Variants in MEFV observed in about 807,000 individuals in gnomAD.
The protein encoded by MEFV is pyrin.
MEFV carries 60 observed loss-of-function variants against 62.5 expected under a neutral mutation model. The ratio of observed to expected loss-of-function variants is 0.96; its 90% confidence interval spans 0.78 to 1.19. MEFV has a LOEUF of 1.19. Among genes scored for constraint, MEFV ranks in the 50% most tolerant of loss-of-function variants. The pLI is 0.00. For synonymous variants in MEFV, 500 were observed against 415.2 expected (o/e 1.20, Z -2.48); for missense variants, 1,169 against 1,004.5 (o/e 1.16, Z -2.21).
At position 3,254,557 on chromosome 16, in the gene MEFV, C is replaced by A. The variant is rs876660993; in HGVS notation, c.511G>T (p.Ala171Ser). The A allele has an allele frequency of 6.4e-7, 1 of 1,562,032 alleles. No individual in the cohort carries two copies. The highest frequency in any genetic ancestry group is 8.6e-7 in the Non-Finnish European group (1 of 1,157,584). ...CTCCGGGTCCGAGGCTTGCCCTGCG[C>A]GTCCAGGCCCTCCGAGGCCTTCTCT... ...RREKASEGLD[A>S]QGKPRTRSPA... is the part of the protein sequence containing the mutation. The change falls in exon 2 of 10, where the codon GCG becomes TCG. Residue 171 changes from alanine (A) to serine (S), a missense_variant. By Grantham distance (99) the Ala-to-Ser change is moderately conservative. Transcript: ENST00000219596.
rs900575988 is a variant in MEFV at position 3,243,047 on chromosome 16, A to G, written c.*94T>C. 15 of 1,415,384 alleles carry G rather than the reference A, an allele frequency of 1.1e-5. No individual in the cohort carries two copies. The Admixed American group carries it at 1.4e-4, about 13-fold the overall frequency. The allele number at this position is 1,415,384 out of a possible 1,614,324, so 87.7% of individuals were successfully genotyped here. On this transcript the variant is annotated 3_prime_UTR_variant, in exon 10 of 10. Transcript: ENST00000219596. Reference sequence around the variant, plus strand: ...CTATTTTGTTATTTTTGCATTTCCCATAGCAGCTAGCACCTAGTCGGCATT... The same window carrying G: ...CTATTTTGTTATTTTTGCATTTCCCGTAGCAGCTAGCACCTAGTCGGCATT...
At chr16:3,245,451 G>C (rs1041832614) in intron 6 of MEFV, among the ~76,000 whole-genome samples, 4 of 152,128 alleles carry the variant, frequency 2.6e-5, no homozygotes, top group Middle Eastern at 3.2e-3. Context: ...AGACCAGCCT[G>C]GCTAATATGG....
chr16:3,254,394 T>A lies in MEFV; in HGVS notation c.674A>T (p.Glu225Val), dbSNP rs1959082570. 1 of 1,613,634 alleles carries A rather than the reference T, an allele frequency of 6.2e-7. No homozygotes were observed. The highest frequency in any genetic ancestry group is 1.1e-5 in the South Asian group (1 of 91,084). Reference sequence around the variant, plus strand: ...CAGGTACACTTCGAAGGGCCTGCACTCCTTCTGCCCCGGGGCGCCCCCCGC... The same window carrying A: ...CAGGTACACTTCGAAGGGCCTGCACACCTTCTGCCCCGGGGCGCCCCCCGC... ...GLAGGAPGQK[E>V]CRPFEVYLPS... The change falls in exon 2 of 10, where the codon GAG becomes GTG. Residue 225 changes from glutamate (E) to valine (V), a missense_variant. Glu to Val is a moderately radical substitution (Grantham distance 121). Coordinates refer to ENST00000219596, the MANE Select transcript of MEFV (RefSeq NM_000243.3).
Position 3,244,542 on chromosome 16 carries a change from T to C in MEFV, c.1657A>G (p.Ile553Val). Residue 553 changes from isoleucine (I) to valine (V), a missense_variant, in exon 7 of 10, where the codon ATA becomes GTA. By Grantham distance (29) the Ile-to-Val change is conservative (BLOSUM62 3). Coordinates refer to ENST00000219596, the MANE Select transcript of MEFV (RefSeq NM_000243.3). ...VPEKWTTPQE[I>V]KQKIQLLHQK... ...TGGAGGAGTTGGATCTTTTGTTTTA[T>C]CTCTTGAGGAGTGGTCCACTTTTCA... 1 of 1,614,172 alleles carries C rather than the reference T, an allele frequency of 6.2e-7. No homozygotes were observed. Among genetic ancestry groups the C allele is most frequent in the Non-Finnish European group, 8.5e-7 (1 of 1,180,036 alleles).
Position 3,243,600 on chromosome 16 carries a change from C to CA in MEFV, c.1886dup (p.Pro630AlafsTer2), listed in dbSNP as rs876660997. The CA allele has an allele frequency of 3.7e-6, 6 of 1,600,496 alleles. No homozygotes were observed. The Admixed American group carries it at 6.8e-5, about 18-fold the overall frequency. The stretch of plus-strand genomic sequence containing the variant: ...TGTCAAATCTTTGCGGGCCATCAGG[C>CA]AGCCTCTCCCACTTGTTTCCAAGTC... On this transcript the variant is annotated frameshift_variant, in exon 10 of 10. Transcript: ENST00000219596. LOFTEE classifies it low-confidence loss of function (END_TRUNC).
intron 3 of MEFV, 121 bp from the exon 4 acceptor site, chr16:3,249,125 A>G (rs1958991374): frequency 9.8e-7 from 1 of 1,022,568 alleles, no homozygotes; most frequent in Non-Finnish European, 1.5e-6. Flanking sequence ...TGCCAGCGGC[A>G]TGGGGAGGGG....
Position 3,249,542 on chromosome 16 carries a change from C to A in MEFV, c.1149G>T (p.Gln383His). 2 of 1,614,216 alleles carry A rather than the reference C, an allele frequency of 1.2e-6. No individual in the cohort carries two copies. Among genetic ancestry groups the A allele is most frequent in the East Asian group, 2.2e-5 (1 of 44,884 alleles). Residue 383 changes from glutamine (Q) to histidine (H), a missense_variant, in exon 3 of 10, where the codon CAG (glutamine) becomes CAT (histidine). Physicochemically the swap from Gln to His is conservative, Grantham distance 24 (BLOSUM62 0). Coordinates refer to ENST00000219596, the MANE Select transcript of MEFV (RefSeq NM_000243.3). ...PQCKRHLKQV[Q>H]LLFCEDHDEP... ...CATCGTGATCCTCACAGAAGAGCAG[C>A]TGGACCTGCTTCAGGTGGCGCTTAC...
At chr16:3,249,397 G>T (rs1170347169) in intron 3 of MEFV, 34 bp downstream of exon 3, 36 of 1,585,902 alleles carry the variant, frequency 2.3e-5, no homozygotes, top group Non-Finnish European at 3.0e-5. Flanking sequence ...CCAAGTGCCT[G>T]GCAGAGAAGA....
intron 4 of MEFV, chr16:3,247,624 A>C: frequency 8.4e-6 from 2 of 237,568 alleles, no homozygotes; most frequent in Non-Finnish European, 8.4e-6. Context: ...TCCAATATAA[A>C]TGTTGTCTTA....
At chr16:3,252,165 A>G (rs1190303703) in intron 2 of MEFV, 1 of 184,336 alleles carries the variant, frequency 5.4e-6, no homozygotes, top group Non-Finnish European at 1.2e-5. Context: ...TCCAGATCCC[A>G]GGGTCCTTTC....
Position 3,243,101 on chromosome 16 carries a change from A to G in MEFV, c.*40T>C. 2 of 1,605,846 alleles carry G rather than the reference A, an allele frequency of 1.2e-6. No homozygotes were observed. Among genetic ancestry groups the G allele is most frequent in the Non-Finnish European group, 1.7e-6 (2 of 1,174,282 alleles). ...TGACTATTGAGTGTGAATGCAAGAT[A>G]CAAGGCCAGAAGCAGGAAGAGAGAT... On this transcript the variant is annotated 3_prime_UTR_variant, in exon 10 of 10. Transcript: ENST00000219596.
In MEFV at chr16:3,256,438, C is replaced by T. The variant is rs376952748; in HGVS notation, c.150G>A (p.Pro50=). 3.4e-5 allele frequency: 55 copies of T among 1,614,238 alleles called. No homozygotes were observed. Among genetic ancestry groups the T allele is most frequent in the South Asian group, 1.2e-4 (11 of 91,086 alleles). The change falls in exon 1 of 10, where the codon CCG becomes CCA. Residue 50 remains proline, a synonymous_variant. Transcript: ENST00000219596. ...IPRSQIQRAR[P]VKMATLLVTY... Reference sequence around the variant, plus strand: ...TGACCAGCAGAGTGGCCATCTTCACCGGCCTGGCTCTCTGGATCTGGCTCC... The same window carrying T: ...TGACCAGCAGAGTGGCCATCTTCACTGGCCTGGCTCTCTGGATCTGGCTCC...
chr16:3,243,396 A>G lies in MEFV; in HGVS notation c.2091T>C (p.Asn697=). 1.2e-6 allele frequency: 2 copies of G among 1,613,948 alleles called. No homozygotes were observed. The highest frequency in any genetic ancestry group is 1.7e-6 in the Non-Finnish European group (2 of 1,180,004). The part of the protein sequence containing the change: ...GYWVVIMMKE[N]EYQASSVPPT... ...GGGGAACGCTGGACGCCTGGTACTCATTTTCCTTCATCATTATCACCACCC... is the reference window on the plus strand; with the variant it reads ...GGGGAACGCTGGACGCCTGGTACTCGTTTTCCTTCATCATTATCACCACCC... Residue 697 remains asparagine (N), a synonymous_variant, in exon 10 of 10, where the codon AAT becomes AAC. Coordinates refer to ENST00000219596, the MANE Select transcript of MEFV (RefSeq NM_000243.3).
rs754322350 is a variant in MEFV, at chr16:3,249,018, A to G, written c.1261-14T>C. The G allele has an allele frequency of 6.2e-7, 1 of 1,613,410 alleles. No homozygotes were observed. Among genetic ancestry groups the G allele is most frequent in the Non-Finnish European group, 8.5e-7 (1 of 1,179,666 alleles). ...CTGAATTTTCTTCTGGAAAAACAGC[A>G]CTTGTTGAAAAGCTTGAATTTGGCT... On this transcript the variant is annotated splice_polypyrimidine_tract_variant and intron_variant, in intron 3 of 9. Coordinates refer to ENST00000219596, the MANE Select transcript of MEFV (RefSeq NM_000243.3).
chr16:3,243,785 T>C, intron 9 of MEFV, 75 bp downstream of exon 9: 2 of 1,608,970 alleles, frequency 1.2e-6, no homozygotes, highest in Admixed American at 1.7e-5. Context: ...GACAGGGTAG[T>C]TCTTCTGGAA....
In MEFV at chr16:3,254,861, G is replaced by C. The variant is rs1959093695; in HGVS notation, c.278-71C>G. 7 of 1,599,928 alleles carry C rather than the reference G, an allele frequency of 4.4e-6. No homozygotes were observed. In the South Asian group the frequency reaches 6.6e-5, roughly 15 times the overall value. ...AGGGCCCAAGATTCAGGGCAGAGGAGAGAGAATCCCCTTGGATATTAAAGT... is the reference window on the plus strand; with the variant it reads ...AGGGCCCAAGATTCAGGGCAGAGGACAGAGAATCCCCTTGGATATTAAAGT... On this transcript the variant is annotated intron_variant, in intron 1 of 9. Transcript: ENST00000219596.
chr16:3,249,102 C>T (rs1192119608), intron 3 of MEFV, 98 bp from the exon 4 acceptor site: 2 of 1,229,264 alleles, frequency 1.6e-6, no homozygotes, highest in African/African-American at 3.0e-5. Flanking sequence ...GGTAGCAAGG[C>T]TGAGGGTGCT....
rs1157270759 is a variant in MEFV, at chr16:3,243,185, C to T, written c.2302G>A (p.Ala768Thr). ...CCCACTGGACAGATAGTCAGAGGAG[C>T]TGTGTTCTTCCCTCCATCACGTGTC... ...PGTRDGGKNT[A>T]PLTICPVGGQ... The change falls in exon 10 of 10, where the codon GCT becomes ACT. Residue 768 changes from alanine to threonine, a missense_variant. Transcript: ENST00000219596. 1.9e-6 allele frequency: 3 copies of T among 1,614,036 alleles called. No homozygotes were observed. Among genetic ancestry groups the T allele is most frequent in the Admixed American group, 1.7e-5 (1 of 60,006 alleles).
chr16:3,254,291 A>G lies in MEFV; in HGVS notation c.777T>C (p.Ile259=). ...CTGTCTTTTCCTCTAGAGTCAGGAG[A>G]ATTTCTGGATTTGCGGGCGCCTTCT... ...TGEKAPANPE[I]LLTLEEKTAA... is the part of the protein sequence containing the mutation. Residue 259 remains isoleucine (I), a synonymous_variant, in exon 2 of 10, where the codon ATT becomes ATC. Transcript: ENST00000219596. 1 of 1,614,042 alleles carries G rather than the reference A, an allele frequency of 6.2e-7. No individual in the cohort carries two copies. The highest frequency in any genetic ancestry group is 8.5e-7 in the Non-Finnish European group (1 of 1,179,978).
Sources: gnomAD v4.1 joint callset for allele counts (sites outside exome capture counted in the v4.1 genomes callset) on GRCh38, gnomAD v4.1.1 for gene constraint, MANE v1.5 for transcripts, NCBI Gene and HGNC (gene_info 2026-07-23, HGNC 2026-07-21) for gene names.